RUNX1T1: variants seen among roughly 807,000 people sequenced by gnomAD.
The protein encoded by RUNX1T1 is RUNX1 partner transcriptional co-repressor 1, also known as protein CBFA2T1.
In RUNX1T1, 4 loss-of-function variants were observed where a neutral mutation model predicts 62.8. The ratio of observed to expected loss-of-function variants is 0.06; its 90% CI spans 0.03 to 0.15. RUNX1T1 has a LOEUF of 0.15. Ranked by LOEUF, RUNX1T1 falls within the 10% of genes least tolerant of loss-of-function variation. RUNX1T1 has a pLI of 1.00. For missense variants in RUNX1T1, 508 were observed against 754.3 expected, an observed-to-expected ratio of 0.67 and a Z score of 3.82; for synonymous variants, 291 against 286.0, an observed-to-expected ratio of 1.02 and a Z score of -0.18.
exon 1 of RUNX1T1, chr8:92,062,728 T>C: frequency 6.3e-7 from 1 of 1,583,980 alleles, no homozygotes. Context: ...CAGAGACAGA[T>C]GGAGAGCTGA....
At chr8:91,960,573 T>C in intron 10 of RUNX1T1, 56 bp from the exon 12 acceptor site, 2 of 1,555,848 alleles carry the variant, frequency 1.3e-6, no homozygotes, top group Non-Finnish European at 1.8e-6. Context: ...GTTAAGACAA[T>C]AGTCTGACAA....
intron 2 of RUNX1T1, 29 bp downstream of exon 2, chr8:92,075,936 C>G: frequency 2.5e-6 from 4 of 1,573,910 alleles, no homozygotes; most frequent in Non-Finnish European, 3.4e-6. Context: ...AAGTAAATTG[C>G]AAAATCAAAA....
chr8:92,011,854 G>A (rs1232193238), intron 3 of RUNX1T1, among the ~76,000 whole-genome samples: 3 of 152,174 alleles, frequency 2.0e-5, no homozygotes, highest in Non-Finnish European at 4.4e-5. Flanking sequence ...AATAGATAAT[G>A]TGTGTTGGTA....
At chr8:91,990,495 T>C (rs1030723834) in intron 6 of RUNX1T1, among the ~76,000 whole-genome samples, 1 of 152,150 alleles carries the variant, frequency 6.6e-6, no homozygotes, top group Non-Finnish European at 1.5e-5. Flanking sequence ...CCAGTAACAG[T>C]GTACTTACTG....
At chr8:91,956,856 G>A (rs1448519265), downstream of RUNX1T1, 1 of 217,192 alleles carries the variant, frequency 4.6e-6, no homozygotes, top group Non-Finnish European at 9.3e-6. Context: ...GTCCCTTGAG[G>A]AATTCGGACA....
At position 92,003,619 on chromosome 8, in the gene RUNX1T1, G is replaced by A. The variant is rs1820179592; in HGVS notation, c.659+1497C>T. On this transcript the variant is annotated intron_variant, in intron 5 of 10. Coordinates refer to ENST00000396218, the Ensembl canonical transcript of RUNX1T1. Reference sequence around the variant, plus strand: ...CTCTCCTTCATTCTTTTACCATGGAGCTAAAACATCTCAGTATCTGTATGT... The same window carrying A: ...CTCTCCTTCATTCTTTTACCATGGAACTAAAACATCTCAGTATCTGTATGT... Among the ~76,000 whole-genome samples the A allele has an allele frequency of 2.0e-5, 3 of 152,050 alleles. No individual in the cohort carries two copies. The South Asian group carries it at 6.2e-4, about 31-fold the overall frequency.
At chr8:92,035,974 G>A (rs1827339908) in intron 1 of RUNX1T1, among the ~76,000 whole-genome samples, 2 of 152,110 alleles carry the variant, frequency 1.3e-5, no homozygotes, top group Admixed American at 6.6e-5. Context: ...AGTGTCTCAA[G>A]TGAACACATA....
intron 1 of RUNX1T1, among the ~76,000 whole-genome samples, chr8:92,080,125 T>TG (rs1367132916): frequency 2.0e-5 from 3 of 152,100 alleles, no homozygotes; most frequent in East Asian, 3.9e-4. Flanking sequence ...GGGTCTCATC[T>TG]GGGGGGTGCT....
At chr8:92,073,978 A>G (rs1834048051) in intron 2 of RUNX1T1, among the ~76,000 whole-genome samples, 1 of 152,192 alleles carries the variant, frequency 6.6e-6, no homozygotes, top group South Asian at 2.1e-4. Context: ...GATTATAGGT[A>G]TGAGCCACCA....
At chr8:92,075,967 T>C (rs77385137) in exon 2 of RUNX1T1, 25 of 1,610,712 alleles carry the variant, frequency 1.6e-5, no homozygotes, top group Non-Finnish European at 2.1e-5. Context: ...TTCCTTACCT[T>C]GACAATATTC....
intron 1 of RUNX1T1, among the ~76,000 whole-genome samples, chr8:92,040,787 C>G (rs1828294123): frequency 6.6e-6 from 1 of 152,146 alleles, no homozygotes; most frequent in South Asian, 2.1e-4. Context: ...TGCCTACAGT[C>G]ACAGCTATTT....
At chr8:91,986,421 G>C in intron 7 of RUNX1T1, 96 bp from the exon 9 acceptor site, 3 of 952,236 alleles carry the variant, frequency 3.2e-6, no homozygotes, top group Non-Finnish European at 5.0e-6. Flanking sequence ...GACAATGAAG[G>C]AAGCAATTTT....
intron 9 of RUNX1T1, among the ~76,000 whole-genome samples, chr8:91,974,429 G>A (rs1813490692): frequency 1.3e-5 from 2 of 152,062 alleles, no homozygotes; most frequent in South Asian, 4.1e-4. Context: ...TTTTCTCTAT[G>A]AACTATCAAG....
At chr8:92,073,155 G>T (rs1224464407) in intron 2 of RUNX1T1, among the ~76,000 whole-genome samples, 1 of 152,130 alleles carries the variant, frequency 6.6e-6, no homozygotes, top group African/African-American at 2.4e-5. Context: ...AAGCTCCTCA[G>T]GCCAGACTAC....
intron 1 of RUNX1T1, among the ~76,000 whole-genome samples, chr8:92,055,534 TG>T (rs911334611): frequency 6.6e-6 from 1 of 152,292 alleles, no homozygotes; most frequent in Non-Finnish European, 1.5e-5. Flanking sequence ...CTTGAACTTC[TG>T]GATGCAAGCG....
intron 1 of RUNX1T1, among the ~76,000 whole-genome samples, chr8:92,053,266 C>A (rs1254961974): frequency 6.6e-6 from 1 of 152,092 alleles, no homozygotes; most frequent in African/African-American, 2.4e-5. Flanking sequence ...AAACTATTGG[C>A]TAAATTTATC....
chr8:91,999,592 A>T lies in RUNX1T1; in HGVS notation c.659+5524T>A, dbSNP rs543822324. On this transcript the variant is annotated intron_variant, in intron 5 of 10. Coordinates refer to ENST00000396218, the Ensembl canonical transcript of RUNX1T1. Reference sequence around the variant, plus strand: ...TCTGAGAACCCAGGGTTAGAATCCCATTAGGGCTTCTGACAAGCCATGTGA... The same window carrying T: ...TCTGAGAACCCAGGGTTAGAATCCCTTTAGGGCTTCTGACAAGCCATGTGA... Among the ~76,000 whole-genome samples the T allele has an allele frequency of 4.6e-5, 7 of 152,312 alleles. No individual in the cohort carries two copies. The East Asian group carries it at 9.7e-4, about 21-fold the overall frequency.
At chr8:91,983,608 T>TATATAAAG (rs1270112422) in intron 8 of RUNX1T1, among the ~76,000 whole-genome samples, 2 of 152,204 alleles carry the variant, frequency 1.3e-5, no homozygotes, top group African/African-American at 2.4e-5. Context: ...GATCTAAATG[T>TATATAAAG]ATATAAAGAT....
At chr8:92,085,059 A>G (rs566686278) in intron 1 of RUNX1T1, among the ~76,000 whole-genome samples, 47 of 152,306 alleles carry the variant, frequency 3.1e-4, no homozygotes, top group Middle Eastern at 3.4e-3. Flanking sequence ...CCTCATGACC[A>G]CCCTATGAGG....
Sources: gnomAD v4.1 joint callset for allele counts (sites outside exome capture counted in the v4.1 genomes callset) on GRCh38, gnomAD v4.1.1 for gene constraint, MANE v1.5 for transcripts, NCBI Gene and HGNC (gene_info 2026-07-23, HGNC 2026-07-21) for gene names.